HTRA1: variants seen among roughly 807,000 people sequenced by gnomAD.
HTRA1 encodes the protein serine protease HTRA1.
HTRA1 carries 26 observed loss-of-function variants against 49.7 expected under a neutral mutation model. The ratio of observed to expected loss-of-function variants is 0.52; its 90% CI spans 0.38 to 0.73. The LOEUF (loss-of-function observed/expected upper bound fraction) is 0.73, where lower values mean the gene tolerates loss of function less well. Ranked by LOEUF, HTRA1 falls within the 30% of genes least tolerant of loss-of-function variation. The pLI, the probability that HTRA1 is intolerant of heterozygous loss-of-function variation, is 0.00. For missense variants in HTRA1, 561 were observed against 667.2 expected (o/e 0.84, Z 1.75); for synonymous variants, 291 against 286.9 (o/e 1.01, Z -0.14).
chr10:122,488,305 C>T (rs150519063), intron 1 of HTRA1, among the ~76,000 whole-genome samples: 224 of 152,180 alleles, frequency 1.5e-3, no homozygotes, highest in African/African-American at 4.8e-3. Flanking sequence ...TGGTGGCTTA[C>T]GCCTGTAATC....
chr10:122,471,688 C>T (rs1468874038), intron 1 of HTRA1, among the ~76,000 whole-genome samples: 1 of 152,198 alleles, frequency 6.6e-6, no homozygotes, highest in Non-Finnish European at 1.5e-5. Flanking sequence ...GGGAACATGA[C>T]TCTCACAAGC....
intron 1 of HTRA1, among the ~76,000 whole-genome samples, chr10:122,462,330 C>T (rs2097481858): frequency 1.3e-5 from 2 of 152,258 alleles, no homozygotes; most frequent in Admixed American, 1.3e-4. Flanking sequence ...GGGGCCGGTT[C>T]TGCGCCCAGA....
intron 1 of HTRA1, among the ~76,000 whole-genome samples, chr10:122,462,524 A>G (rs2097481966): frequency 6.6e-6 from 1 of 152,264 alleles, no homozygotes; most frequent in South Asian, 2.1e-4. Context: ...CAGGACCACA[A>G]GAAGTCATTT....
intron 1 of HTRA1, among the ~76,000 whole-genome samples, chr10:122,483,399 G>C (rs1229939960): frequency 1.3e-5 from 2 of 152,186 alleles, no homozygotes; most frequent in Non-Finnish European, 2.9e-5. Context: ...TCAGTAATGA[G>C]AAATATTTAC....
chr10:122,461,656 C>T lies in HTRA1; in HGVS notation c.4C>T (p.Gln2Ter). The change falls in exon 1 of 9, where the codon CAG (glutamine) becomes TAG (stop). Residue 2 changes from glutamine to a stop codon, truncating the protein, a stop_gained. Transcript: ENST00000368984. LOFTEE classifies it high-confidence loss of function. The part of the protein sequence containing the change: M[Q>*]IPRAALLPLL... The stretch of plus-strand genomic sequence containing the variant: ...CGCCGCCGCCGCCAGAGTCGCCATG[C>T]AGATCCCGCGCGCCGCTCTTCTCCC... 2.3e-6 allele frequency: 3 copies of T among 1,312,006 alleles called. No homozygotes were observed. The highest frequency in any genetic ancestry group is 2.7e-5 in the Admixed American group (1 of 36,674). 81.3% of individuals were successfully genotyped at this position (1,312,006 alleles called of 1,614,324 possible).
chr10:122,509,184 G>A (rs961948811), intron 6 of HTRA1, among the ~76,000 whole-genome samples: 2 of 152,234 alleles, frequency 1.3e-5, no homozygotes, highest in Non-Finnish European at 2.9e-5. Flanking sequence ...GAGCTTGGCA[G>A]TGGACAGCTC....
chr10:122,465,270 T>G (rs2097483336), intron 1 of HTRA1, among the ~76,000 whole-genome samples: 1 of 152,184 alleles, frequency 6.6e-6, no homozygotes, highest in South Asian at 2.1e-4. Flanking sequence ...ATCTGTCATC[T>G]CCAGCTGTAC....
chr10:122,488,030 G>A (rs561796288), intron 1 of HTRA1, among the ~76,000 whole-genome samples: 52 of 152,264 alleles, frequency 3.4e-4, no homozygotes, highest in East Asian at 1.9e-3. Context: ...AAGGCATGGC[G>A]GAAACTGCTT....
At chr10:122,466,625 T>C (rs74159155) in intron 1 of HTRA1, among the ~76,000 whole-genome samples, 3,997 of 152,202 alleles carry the variant, frequency 0.026, 169 homozygotes, top group African/African-American at 0.091. Flanking sequence ...TGGGGGAAAA[T>C]ACAATCACTG....
chr10:122,506,626 A>G lies in HTRA1; in HGVS notation c.778-65A>G. On this transcript the variant is annotated intron_variant, in intron 3 of 8. Transcript: ENST00000368984. The surrounding 1 kb of genome is among the most constrained non-coding windows in gnomAD (Gnocchi z 5.2). ...CTGTCCCTGCTTGGTTTTCCATGAT[A>G]TCTGTGCCTTTACCTATTTGGTTAA... 7.1e-7 allele frequency: 1 copy of G among 1,417,260 alleles called. No individual in the cohort carries two copies. Among genetic ancestry groups the G allele is most frequent in the Non-Finnish European group, 9.9e-7 (1 of 1,011,982 alleles). 87.8% of individuals were successfully genotyped at this position (1,417,260 alleles called of 1,614,324 possible). A position where few individuals can be genotyped will look rare whatever the true frequency, so the allele number is the denominator to read the frequency against.
At position 122,461,710 on chromosome 10, in the gene HTRA1, G is replaced by C. The variant is rs1332972163; in HGVS notation, c.58G>C (p.Ala20Pro). The C allele has an allele frequency of 7.7e-7, 1 of 1,297,514 alleles. No homozygotes were observed. The highest frequency in any genetic ancestry group is 3.0e-4 in the Middle Eastern group (1 of 3,296). The allele number at this position is 1,297,514 out of a possible 1,614,324, so 80.4% of individuals were successfully genotyped here. A position where few individuals can be genotyped will look rare whatever the true frequency, so the allele number is the denominator to read the frequency against. ...PLLLLLLAAP[A>P]SAQLSRAGRS... ...GCTGCTGCTGCTGCTGGCGGCGCCCGCCTCGGCGCAGCTGTCCCGGGCCGG... is the reference window on the plus strand; with the variant it reads ...GCTGCTGCTGCTGCTGGCGGCGCCCCCCTCGGCGCAGCTGTCCCGGGCCGG... The change falls in exon 1 of 9, where the codon GCC (alanine) becomes CCC (proline). Residue 20 changes from alanine (A) to proline (P), a missense_variant. Physicochemically the swap from Ala to Pro is conservative, Grantham distance 27 (BLOSUM62 -1). Coordinates refer to ENST00000368984, the MANE Select transcript of HTRA1 (RefSeq NM_002775.5).
chr10:122,500,641 C>A (rs1429610989), intron 3 of HTRA1, among the ~76,000 whole-genome samples: 1 of 152,138 alleles, frequency 6.6e-6, no homozygotes, highest in African/African-American at 2.4e-5. Flanking sequence ...TATGCATATA[C>A]ACATAGGTGT....
chr10:122,468,986 A>AC (rs2097484959), intron 1 of HTRA1, among the ~76,000 whole-genome samples: 1 of 152,220 alleles, frequency 6.6e-6, no homozygotes, highest in Non-Finnish European at 1.5e-5. Flanking sequence ...TCATAAAAAC[A>AC]ATCCTCCGCA....
intron 1 of HTRA1, among the ~76,000 whole-genome samples, chr10:122,465,519 A>G (rs977670780): frequency 3.3e-5 from 5 of 152,216 alleles, no homozygotes; most frequent in African/African-American, 7.2e-5. Flanking sequence ...AGCCTCGTTC[A>G]TAACCACCAT....
At chr10:122,482,041 A>G (rs2253755) in intron 1 of HTRA1, among the ~76,000 whole-genome samples, 40,095 of 152,080 alleles carry the variant, frequency 0.26, 6,074 homozygotes, top group East Asian at 0.37. Flanking sequence ...TCATTTTTTC[A>G]TGGTCCCCAG....
intron 3 of HTRA1, among the ~76,000 whole-genome samples, chr10:122,504,961 G>A (rs2097502445): frequency 6.6e-6 from 1 of 152,232 alleles, no homozygotes; most frequent in Non-Finnish European, 1.5e-5. Flanking sequence ...TACCATGGCT[G>A]GGTGACACGG....
chr10:122,472,664 G>A (rs1178067883), intron 1 of HTRA1, among the ~76,000 whole-genome samples: 1 of 152,070 alleles, frequency 6.6e-6, no homozygotes, highest in Non-Finnish European at 1.5e-5. Context: ...CAAAGTGTGG[G>A]GATTACAGGC....
intron 3 of HTRA1, among the ~76,000 whole-genome samples, chr10:122,497,949 C>T (rs1041857035): frequency 1.6e-4 from 24 of 152,018 alleles, no homozygotes; most frequent in Non-Finnish European, 2.9e-4. Flanking sequence ...CTGGATGCCC[C>T]GAATATATAC....
intron 1 of HTRA1, among the ~76,000 whole-genome samples, chr10:122,479,778 G>A (rs2097490177): frequency 1.5e-5 from 2 of 137,032 alleles, no homozygotes; most frequent in African/African-American, 5.0e-5. Flanking sequence ...AGGGGATCGT[G>A]GGCCCGAGGA....
Sources: gnomAD v4.1 joint callset for allele counts (sites outside exome capture counted in the v4.1 genomes callset) on GRCh38, gnomAD v4.1.1 for gene constraint, Gnocchi (gnomAD v3.1) non-coding constraint, MANE v1.5 for transcripts, NCBI Gene and HGNC (gene_info 2026-07-23, HGNC 2026-07-21) for gene names.